Variants in KISS1 observed in about 807,000 individuals in gnomAD.
KISS1 encodes the protein KiSS-1 metastasis suppressor, also known as metastasis-suppressor KiSS-1.
For synonymous variants in KISS1, 97 were observed against 88.7 expected (o/e 1.09, Z -0.52); for missense variants, 182 against 182.7 (o/e 1.00, Z 0.02).
intron 1 of KISS1, among the ~76,000 whole-genome samples, chr1:204,196,033 CAA>C (rs893516075): frequency 7.2e-5 from 11 of 152,196 alleles, no homozygotes; most frequent in African/African-American, 2.7e-4. Context: ...CCATTGCTCT[CAA>C]GAGCCCCGAG....
chr1:204,190,671 C>T lies in KISS1; in HGVS notation c.230G>A (p.Ser77Asn), dbSNP rs745585227. ...GCCCGGCTGCTGGGGGCTCCCGGAG[C>T]TCTCGGGGGGCGGGGACAGCGAGGT... ...RGTSLSPPPE[S>N]SGSPQQPGLS... Residue 77 changes from serine (S) to asparagine (N), a missense_variant, in exon 3 of 3, where the codon AGC becomes AAC. Physicochemically the swap from Ser to Asn is conservative, Grantham distance 46. Coordinates refer to ENST00000367194, the MANE Select transcript of KISS1 (RefSeq NM_002256.4). 1.3e-6 allele frequency: 2 copies of T among 1,589,320 alleles called. No individual in the cohort carries two copies. The highest frequency in any genetic ancestry group is 3.6e-5 in the Admixed American group (2 of 56,160).
At chr1:204,195,687 TATACACACATACACCC>T (rs969547929) in intron 1 of KISS1, among the ~76,000 whole-genome samples, 2 of 136,228 alleles carry the variant, frequency 1.5e-5, no homozygotes, top group Non-Finnish European at 1.6e-5. Flanking sequence ...ATCACACACA[TATACACACATACACCC>T]ATACACACAT....
Position 204,190,407 on chromosome 1 carries a change from C to CGGGGGGGGGGGGGG in KISS1, c.*76_*77insCCCCCCCCCCCCCC. On this transcript the variant is annotated 3_prime_UTR_variant, in exon 3 of 3. Transcript: ENST00000367194. ...TCCAGCGCCCCCTCCCTTAGCCCTACGTCCCCGCCCCCCGCCCCCGCCCCG... is the reference window on the plus strand; with the variant it reads ...TCCAGCGCCCCCTCCCTTAGCCCTACGGGGGGGGGGGGGGGTCCCCGCCCCCCGCCCCCGCCCCG... 1 of 779,260 alleles carries CGGGGGGGGGGGGGG rather than the reference C, an allele frequency of 1.3e-6. No homozygotes were observed. The highest frequency in any genetic ancestry group is 2.0e-6 in the Non-Finnish European group (1 of 493,572). The allele number at this position is 779,260 out of a possible 1,614,324, so 48.3% of individuals were successfully genotyped here.
At position 204,192,728 on chromosome 1, in the gene KISS1, A is replaced by C; in HGVS notation, c.103+46T>G. The stretch of plus-strand genomic sequence containing the variant: ...AAAATACGGGAAAGCTCATTTTGCA[A>C]CAACCCACTTGCTCCCTCCCACTCC... On this transcript the variant is annotated intron_variant, in intron 2 of 2. Coordinates refer to ENST00000367194, the MANE Select transcript of KISS1 (RefSeq NM_002256.4). This position sits in a 1 kb window ranked among gnomAD's most constrained non-coding sequence, Gnocchi z 4.2. 1 of 1,208,166 alleles carries C rather than the reference A, an allele frequency of 8.3e-7. No homozygotes were observed. Among genetic ancestry groups the C allele is most frequent in the South Asian group, 1.3e-5 (1 of 77,952 alleles). 74.8% of individuals were successfully genotyped at this position (1,208,166 alleles called of 1,614,324 possible). A position where few individuals can be genotyped will look rare whatever the true frequency, so the allele number is the denominator to read the frequency against.
Position 204,190,409 on chromosome 1 carries a change from T to TTGGCCCC in KISS1, c.*74_*75insGGGGCCA. Reference sequence around the variant, plus strand: ...CAGCGCCCCCTCCCTTAGCCCTACGTCCCCGCCCCCCGCCCCCGCCCCGCA... The same window carrying TTGGCCCC: ...CAGCGCCCCCTCCCTTAGCCCTACGTTGGCCCCCCCCGCCCCCCGCCCCCGCCCCGCA... On this transcript the variant is annotated 3_prime_UTR_variant, in exon 3 of 3. Coordinates refer to ENST00000367194, the MANE Select transcript of KISS1 (RefSeq NM_002256.4). The TTGGCCCC allele has an allele frequency of 3.5e-6, 2 of 570,140 alleles. No individual in the cohort carries two copies. The allele number at this position is 570,140 out of a possible 1,614,324, so 35.3% of individuals were successfully genotyped here.
intron 1 of KISS1, among the ~76,000 whole-genome samples, chr1:204,195,389 T>TACACACACATACA (rs1658835781): frequency 1.3e-4 from 15 of 116,724 alleles, no homozygotes; most frequent in South Asian, 3.0e-4. Context: ...ACACACATCA[T>TACACACACATACA]GCACACACAC....
Position 204,190,363 on chromosome 1 carries a change from A to C in KISS1, c.*121T>G. ...CAGTGAGTTACGCAACATTTCTTTT[A>C]TTGCCTCGGGTTGGAAGCTCCAGCG... On this transcript the variant is annotated 3_prime_UTR_variant, in exon 3 of 3. Transcript: ENST00000367194. 9.7e-7 allele frequency: 1 copy of C among 1,034,930 alleles called. No individual in the cohort carries two copies. The highest frequency in any genetic ancestry group is 1.4e-6 in the Non-Finnish European group (1 of 695,150). The allele number at this position is 1,034,930 out of a possible 1,614,324, so 64.1% of individuals were successfully genotyped here.
rs36226771 is a variant in KISS1, at chr1:204,195,715, TCACACACACACA to T, written c.-39+649_-39+660del. Among the ~76,000 whole-genome samples the T allele has an allele frequency of 4.4e-3, 632 of 144,930 alleles. 1 individual carries two copies. The highest frequency in any genetic ancestry group is 0.014 in the African/African-American group (543 of 39,052). On this transcript the variant is annotated intron_variant, in intron 1 of 2. Coordinates refer to ENST00000367194, the MANE Select transcript of KISS1 (RefSeq NM_002256.4). ...ACACACATACACCCATACACACATA[TCACACACACACA>T]CACACACACACACACACACACACAC...
In KISS1 at chr1:204,190,514, C is replaced by A; in HGVS notation, c.387G>T (p.Gly129=). The A allele has an allele frequency of 6.3e-7, 1 of 1,595,176 alleles. No homozygotes were observed. Residue 129 remains glycine (G), a synonymous_variant, in exon 3 of 3, where the codon GGG becomes GGT. Transcript: ENST00000367194. ...LRFGKREAAP[G]NHGRSAGRG ...CCCGCCCAGCGCTTCTGCCGTGGTT[C>A]CCTGGTGCCGCCTCCCGCTTGCCGA...
At chr1:204,196,154 G>A (rs930006181) in intron 1 of KISS1, among the ~76,000 whole-genome samples, 18 of 152,218 alleles carry the variant, frequency 1.2e-4, no homozygotes, top group African/African-American at 4.3e-4. Flanking sequence ...GGGATCCCCA[G>A]AGTGTTAGCT....
Position 204,190,634 on chromosome 1 carries a change from G to A in KISS1, c.267C>T (p.Pro89=), listed in dbSNP as rs762880182. ...GGGGTGCGGGGATCTGGCGGCTGTG[G>A]GGGGCGGACAGGCCCGGCTGCTGGG... ...GSPQQPGLSA[P]HSRQIPAPQG... is the part of the protein sequence containing the mutation. The change falls in exon 3 of 3, where the codon CCC becomes CCT. Residue 89 remains proline (P), a synonymous_variant. Transcript: ENST00000367194. 5 of 1,584,838 alleles carry A rather than the reference G, an allele frequency of 3.2e-6. No individual in the cohort carries two copies. In the African/African-American group the frequency reaches 4.0e-5, roughly 13 times the overall value.
In KISS1 at chr1:204,190,783, A is replaced by G. The variant is rs1233942314; in HGVS notation, c.118T>C (p.Ser40Pro). Residue 40 changes from serine to proline, a missense_variant, in exon 3 of 3, where the codon TCC (serine) becomes CCC (proline). Physicochemically the swap from Ser to Pro is moderately conservative, Grantham distance 74. Transcript: ENST00000367194. ...TCCCCGGGGGCCAGGAGGCCCAGGGATTCTAGCTGCTGGCCTAGGACAGAG... is the reference window on the plus strand; with the variant it reads ...TCCCCGGGGGCCAGGAGGCCCAGGGGTTCTAGCTGCTGGCCTAGGACAGAG... The part of the protein sequence containing the change: ...NSRPTGQQLE[S>P]LGLLAPGEQS... The G allele has an allele frequency of 1.2e-6, 2 of 1,611,414 alleles. No individual in the cohort carries two copies. The highest frequency in any genetic ancestry group is 1.7e-6 in the Non-Finnish European group (2 of 1,179,520).
intron 1 of KISS1, among the ~76,000 whole-genome samples, chr1:204,193,913 G>A (rs759754987): frequency 1.3e-5 from 2 of 152,158 alleles, no homozygotes; most frequent in Non-Finnish European, 2.9e-5. Context: ...AAAGACAAAA[G>A]GCTGGGGAGG....
rs986150509 is a variant in KISS1, at chr1:204,196,455, A to C, written c.-118T>G. On this transcript the variant is annotated 5_prime_UTR_variant, in exon 1 of 3. Transcript: ENST00000367194. The stretch of plus-strand genomic sequence containing the variant: ...ACCACCTGGCTGGGTGAATGTCCAG[A>C]GGGTGGGCAGCTGGGCTCCCGGTCT... The C allele has an allele frequency of 6.9e-6, 1 of 144,254 alleles. No individual in the cohort carries two copies. Among genetic ancestry groups the C allele is most frequent in the African/African-American group, 2.8e-5 (1 of 35,496 alleles). The allele number at this position is 144,254 out of a possible 1,614,324, so 8.9% of individuals were successfully genotyped here.
intron 1 of KISS1, among the ~76,000 whole-genome samples, chr1:204,195,197 C>CCCATG (rs1658817338): frequency 2.7e-4 from 5 of 18,518 alleles, no homozygotes; most frequent in Admixed American, 5.1e-4. Flanking sequence ...CACACACACA[C>CCCATG]CACACACATA....
intron 1 of KISS1, among the ~76,000 whole-genome samples, chr1:204,195,399 CCA>C (rs1297241488): frequency 2.8e-5 from 4 of 140,926 alleles, no homozygotes; most frequent in African/African-American, 5.3e-5. Flanking sequence ...TGCACACACA[CCA>C]CACACGCACA....
chr1:204,193,324 G>A (rs1319102437), intron 1 of KISS1, among the ~76,000 whole-genome samples: 1 of 152,038 alleles, frequency 6.6e-6, no homozygotes, highest in Non-Finnish European at 1.5e-5. Flanking sequence ...CTGGGGAGGG[G>A]TGAAGTAGGG....
chr1:204,190,429 C>T lies in KISS1; in HGVS notation c.*55G>A, dbSNP rs2102327867. 3 of 998,576 alleles carry T rather than the reference C, an allele frequency of 3.0e-6. 1 individual carries two copies. Among genetic ancestry groups the T allele is most frequent in the Middle Eastern group, 6.3e-4 (2 of 3,200 alleles). 61.9% of individuals were successfully genotyped at this position (998,576 alleles called of 1,614,324 possible). ...CTACGTCCCCGCCCCCCGCCCCCGC[C>T]CCGCATGCTCTGACTCCTTTGGGGT... is the stretch of plus-strand genomic sequence containing the variant. On this transcript the variant is annotated 3_prime_UTR_variant, in exon 3 of 3. Coordinates refer to ENST00000367194, the MANE Select transcript of KISS1 (RefSeq NM_002256.4).
At chr1:204,195,321 T>TAC (rs1558254807) in intron 1 of KISS1, among the ~76,000 whole-genome samples, 16 of 2,750 alleles carry the variant, frequency 5.8e-3, no homozygotes, top group Admixed American at 0.011. Context: ...CATACACATA[T>TAC]GCCACACACA....
Sources: gnomAD v4.1 joint callset for allele counts (sites outside exome capture counted in the v4.1 genomes callset) on GRCh38, gnomAD v4.1.1 for gene constraint, Gnocchi (gnomAD v3.1) non-coding constraint, MANE v1.5 for transcripts, NCBI Gene and HGNC (gene_info 2026-07-23, HGNC 2026-07-21) for gene names.